The following CHLSN variants were observed in gnomAD, a reference collection of about 807,000 sequenced individuals.
CHLSN encodes protein cholesin.
At chr7:1,014,800 A>G in the CHLSN span, among the ~76,000 whole-genome samples, 1 of 151,386 alleles carries the variant, frequency 6.6e-6, no homozygotes, top group South Asian at 2.1e-4. Context: ...CGGCCACGGC[A>G]GCGATCCGGC....
the CHLSN span, chr7:1,091,874 T>C: frequency 6.2e-7 from 1 of 1,613,710 alleles, no homozygotes; most frequent in East Asian, 2.2e-5. Context: ...ACAGGTGAGC[T>C]CTCGGAGCAC....
At chr7:1,115,465 C>G in the CHLSN span, among the ~76,000 whole-genome samples, 1 of 152,144 alleles carries the variant, frequency 6.6e-6, no homozygotes, top group East Asian at 1.9e-4. Flanking sequence ...CCCTCCTCAT[C>G]ACCAACGCCC....
the CHLSN span, among the ~76,000 whole-genome samples, chr7:1,076,869 C>T: frequency 5.3e-5 from 8 of 152,380 alleles, no homozygotes; most frequent in South Asian, 1.7e-3. Context: ...AGCCCACGCC[C>T]AACCCCTGGG....
chr7:1,085,678 T>TAA, the CHLSN span, among the ~76,000 whole-genome samples: 22 of 129,316 alleles, frequency 1.7e-4, no homozygotes, highest in African/African-American at 5.4e-4. Flanking sequence ...ACAAAAAAAT[T>TAA]AAAAAAAAAA....
At chr7:1,135,792 T>TATATATATACAC in the CHLSN span, among the ~76,000 whole-genome samples, 12 of 106,390 alleles carry the variant, frequency 1.1e-4, no homozygotes, top group African/African-American at 4.0e-4. Flanking sequence ...TATATATATA[T>TATATATATACAC]ACACAATTTA....
At chr7:1,092,093 G>A in the CHLSN span, 36 of 1,613,808 alleles carry the variant, frequency 2.2e-5, no homozygotes, top group Non-Finnish European at 2.7e-5. Flanking sequence ...CTGCACGAGC[G>A]GTACTACGAC....
At chr7:1,005,443 G>T in the CHLSN span, among the ~76,000 whole-genome samples, 2 of 152,234 alleles carry the variant, frequency 1.3e-5, no homozygotes, top group Non-Finnish European at 1.5e-5. Context: ...ACTGCCAGCC[G>T]CGGTGAGCTG....
At chr7:1,120,883 G>A in the CHLSN span, among the ~76,000 whole-genome samples, 2 of 152,074 alleles carry the variant, frequency 1.3e-5, no homozygotes, top group Non-Finnish European at 2.9e-5. Context: ...TGGACACAGG[G>A]CAGCAGGGCC....
the CHLSN span, among the ~76,000 whole-genome samples, chr7:999,430 CA>C: frequency 1.1e-4 from 17 of 149,310 alleles, no homozygotes; most frequent in African/African-American, 4.1e-4. Flanking sequence ...ATAGGGCTTA[CA>C]ATCGGCTTGC....
chr7:1,106,460 G>C, the CHLSN span, among the ~76,000 whole-genome samples: 4 of 152,322 alleles, frequency 2.6e-5, no homozygotes, highest in South Asian at 8.3e-4. Context: ...TGCAGGAGGG[G>C]ATCAACGTGG....
chr7:1,009,985 G>A, the CHLSN span: 1 of 1,586,086 alleles, frequency 6.3e-7, no homozygotes, highest in East Asian at 2.3e-5. Flanking sequence ...CGGCCCCCGA[G>A]CGCCTGGCAG....
chr7:1,026,323 TCCAGCTGCTGGG>T, the CHLSN span: 1 of 152,252 alleles, frequency 6.6e-6, no homozygotes, highest in South Asian at 2.1e-4. Flanking sequence ...GAGCCAGCGC[TCCAGCTGCTGGG>T]CGCGCAACAG....
chr7:1,118,160 CA>C, the CHLSN span, among the ~76,000 whole-genome samples: 1 of 152,136 alleles, frequency 6.6e-6, no homozygotes, highest in South Asian at 2.1e-4. Context: ...AAGCCAGAAA[CA>C]AAAAAGTAGT....
At chr7:1,123,998 C>G in the CHLSN span, among the ~76,000 whole-genome samples, 1 of 152,154 alleles carries the variant, frequency 6.6e-6, no homozygotes, top group Non-Finnish European at 1.5e-5. This position sits in a 1 kb window ranked among gnomAD's most constrained non-coding sequence, Gnocchi z 4.4. Flanking sequence ...CAACTCCACG[C>G]CAGTGGCCGG....
the CHLSN span, among the ~76,000 whole-genome samples, chr7:1,013,178 A>T: frequency 2.6e-5 from 4 of 152,198 alleles, no homozygotes; most frequent in African/African-American, 9.7e-5. Context: ...GACGGCTGTC[A>T]CCCACAGACG....
the CHLSN span, among the ~76,000 whole-genome samples, chr7:1,135,946 T>C: frequency 8.1e-6 from 1 of 123,658 alleles, no homozygotes. Flanking sequence ...TAAGTATATA[T>C]AAATATATAT....
the CHLSN span, chr7:1,010,119 G>C: frequency 6.2e-7 from 1 of 1,612,146 alleles, no homozygotes; most frequent in Non-Finnish European, 8.5e-7. Context: ...TCTGCGTCCA[G>C]CCCGGGCCTG....
At chr7:1,111,195 T>C in the CHLSN span, among the ~76,000 whole-genome samples, 1 of 152,410 alleles carries the variant, frequency 6.6e-6, no homozygotes, top group South Asian at 2.1e-4. Flanking sequence ...AACATGTCTC[T>C]GTTATTTTTA....
the CHLSN span, among the ~76,000 whole-genome samples, chr7:996,440 C>T: frequency 6.6e-6 from 1 of 152,222 alleles, no homozygotes; most frequent in Non-Finnish European, 1.5e-5. Flanking sequence ...TTCTGCTCCA[C>T]CGTCAGTTGG....
Sources: allele counts gnomAD v4.1 joint callset (sites outside exome capture counted in the v4.1 genomes callset), GRCh38; gene constraint gnomAD v4.1.1; non-coding constraint Gnocchi (gnomAD v3.1); transcripts MANE v1.5; gene names NCBI Gene and HGNC (gene_info 2026-07-23, HGNC 2026-07-21).